The following CYP4F3 variants were observed in gnomAD, a reference collection of about 807,000 sequenced individuals.
CYP4F3 encodes cytochrome P450 family 4 subfamily F member 3.
Under a neutral mutation model 54.8 loss-of-function variants are expected in CYP4F3, and 50 were observed. That is an observed-to-expected ratio of 0.91 (90% CI 0.73 to 1.16). The LOEUF (loss-of-function observed/expected upper bound fraction) is 1.16, where lower values mean the gene tolerates loss of function less well. CYP4F3 is among the 50% of genes most tolerant of loss of function. The pLI is 0.00. For missense variants in CYP4F3, 715 were observed against 676.2 expected (o/e 1.06, Z -0.64); for synonymous variants, 244 against 262.6 (o/e 0.93, Z 0.69).
chr19:15,659,673 A>C lies in CYP4F3; in HGVS notation c.*288A>C, dbSNP rs1973140312. 1 of 455,550 alleles carries C rather than the reference A, an allele frequency of 2.2e-6. No homozygotes were observed. The highest frequency in any genetic ancestry group is 2.0e-5 in the African/African-American group (1 of 49,918). The allele number at this position is 455,550 out of a possible 1,614,324, so 28.2% of individuals were successfully genotyped here. On this transcript the variant is annotated 3_prime_UTR_variant, in exon 13 of 13. Coordinates refer to ENST00000221307, the MANE Select transcript of CYP4F3 (RefSeq NM_000896.3). Reference sequence around the variant, plus strand: ...ACAATGGAGTATTACACAGCCATAAAAAGGAATGAAGCAGTGATCCCCACT... The same window carrying C: ...ACAATGGAGTATTACACAGCCATAACAAGGAATGAAGCAGTGATCCCCACT...
rs949723273 is a variant in CYP4F3 at position 15,662,657 on chromosome 19, C to T, written c.*3272C>T. 1 of 152,142 alleles carries T rather than the reference C, an allele frequency of 6.6e-6. No individual in the cohort carries two copies. The highest frequency in any genetic ancestry group is 1.5e-5 in the Non-Finnish European group (1 of 68,020). The allele number at this position is 152,142 out of a possible 1,614,324, so 9.4% of individuals were successfully genotyped here. ...GAGACTTAATAATGATATTGATTCT[C>T]CCAATTCATGAATATAGTATACCCC... On this transcript the variant is annotated 3_prime_UTR_variant, in exon 13 of 13. Coordinates refer to ENST00000221307, the MANE Select transcript of CYP4F3 (RefSeq NM_000896.3).
intron 2 of CYP4F3, chr19:15,644,019 C>T (rs568998891): frequency 1.9e-6 from 3 of 1,601,582 alleles, no homozygotes; most frequent in South Asian, 2.2e-5. Flanking sequence ...TTTTGCCACC[C>T]CAACATCATC....
chr19:15,643,254 G>A (rs1199387383), intron 2 of CYP4F3, among the ~76,000 whole-genome samples: 2 of 151,992 alleles, frequency 1.3e-5, no homozygotes, highest in Non-Finnish European at 2.9e-5. Flanking sequence ...AGATATATAA[G>A]ATAGAATGGA....
At position 15,647,093 on chromosome 19, in the gene CYP4F3, A is replaced by C; in HGVS notation, c.385A>C (p.Lys129Gln). ...GGACAAGGTCTTCTACAGCTTCCTG[A>C]AGCCCTGGCTGGGTGAGTATCTGTA... is the stretch of plus-strand genomic sequence containing the variant. ...PKDKVFYSFL[K>Q]PWLGDGLLLS... Residue 129 changes from lysine to glutamine, a missense_variant, in exon 4 of 13, where the codon AAG (lysine) becomes CAG (glutamine). Lys to Gln is a moderately conservative substitution (Grantham distance 53). Coordinates refer to ENST00000221307, the MANE Select transcript of CYP4F3 (RefSeq NM_000896.3). 6.2e-7 allele frequency: 1 copy of C among 1,613,848 alleles called. No homozygotes were observed. The highest frequency in any genetic ancestry group is 1.1e-5 in the South Asian group (1 of 91,078).
intron 9 of CYP4F3, 45 bp downstream of exon 9, chr19:15,652,997 G>T: frequency 6.4e-7 from 1 of 1,557,296 alleles, no homozygotes; most frequent in Non-Finnish European, 8.7e-7. Flanking sequence ...TGTCTCATTG[G>T]CTCTGTTCCC....
At chr19:15,658,974 G>A (rs993317424) in intron 12 of CYP4F3, among the ~76,000 whole-genome samples, 165 bp downstream of exon 12, 2 of 152,124 alleles carry the variant, frequency 1.3e-5, no homozygotes, top group African/African-American at 4.8e-5. Context: ...GATTGGGTTG[G>A]TCCTAGAAGG....
At chr19:15,647,508 G>A (rs748382171) in intron 5 of CYP4F3, among the ~76,000 whole-genome samples, 184 bp downstream of exon 5, 2 of 152,162 alleles carry the variant, frequency 1.3e-5, no homozygotes, top group African/African-American at 2.4e-5. Flanking sequence ...GTGGAGTCAT[G>A]TCTCTGGCGC....
chr19:15,659,055 C>T (rs1326162294), intron 12 of CYP4F3, among the ~76,000 whole-genome samples, 165 bp from the exon 13 acceptor site: 2 of 150,202 alleles, frequency 1.3e-5, no homozygotes, highest in Non-Finnish European at 2.9e-5. Flanking sequence ...CTCGGCTAGG[C>T]TCGCAGGATA....
chr19:15,656,540 A>C (rs560921190), intron 9 of CYP4F3, among the ~76,000 whole-genome samples: 1 of 122,296 alleles, frequency 8.2e-6, no homozygotes, highest in East Asian at 2.2e-4. Context: ...TCATCTATCA[A>C]TGTATCTATC....
chr19:15,645,737 G>T lies in CYP4F3; in HGVS notation c.217G>T (p.Gly73Cys). The change falls in exon 3 of 13, where the codon GGT (glycine) becomes TGT (cysteine). Residue 73 changes from glycine to cysteine, a missense_variant. Coordinates refer to ENST00000221307, the MANE Select transcript of CYP4F3 (RefSeq NM_000896.3). Reference sequence around the variant, plus strand: ...TCTCCAGATTCACAGCTCGGAGGAAGGTCTCCTATACACACAAAGCCTGGC... The same window carrying T: ...TCTCCAGATTCACAGCTCGGAGGAATGTCTCCTATACACACAAAGCCTGGC... ...HLGLIHSSEE[G>C]LLYTQSLACT... 6.2e-7 allele frequency: 1 copy of T among 1,610,860 alleles called. No homozygotes were observed. Among genetic ancestry groups the T allele is most frequent in the African/African-American group, 1.3e-5 (1 of 74,998 alleles).
chr19:15,644,176 C>G, intron 2 of CYP4F3: 4 of 1,188,778 alleles, frequency 3.4e-6, no homozygotes, highest in Non-Finnish European at 4.5e-6. Flanking sequence ...TCTCAGCCAT[C>G]TTCATCTTTC....
chr19:15,651,025 G>A (rs756938014), intron 7 of CYP4F3, among the ~76,000 whole-genome samples: 4 of 150,952 alleles, frequency 2.6e-5, no homozygotes, highest in African/African-American at 4.9e-5. Flanking sequence ...ACAGGGGCAC[G>A]CCACCATGCC....
At chr19:15,648,138 T>C (rs1165526792) in intron 5 of CYP4F3, among the ~76,000 whole-genome samples, 2 of 152,132 alleles carry the variant, frequency 1.3e-5, no homozygotes, top group Non-Finnish European at 2.9e-5. Flanking sequence ...TTTAGAATTT[T>C]TTAACTTTAA....
rs1368656913 is a variant in CYP4F3, at chr19:15,660,122, CATT to C, written c.*741_*743del. ...CATGATATTAAATCATCTTAGGAAA[CATT>C]ATTTTGTGTTCTTCAAAATGTGCAT... On this transcript the variant is annotated 3_prime_UTR_variant, in exon 13 of 13. Coordinates refer to ENST00000221307, the MANE Select transcript of CYP4F3 (RefSeq NM_000896.3). The C allele has an allele frequency of 1.3e-5, 2 of 152,124 alleles. No individual in the cohort carries two copies. The highest frequency in any genetic ancestry group is 2.4e-5 in the African/African-American group (1 of 41,430). The allele number at this position is 152,124 out of a possible 1,614,324, so 9.4% of individuals were successfully genotyped here. A position where few individuals can be genotyped will look rare whatever the true frequency, so the allele number is the denominator to read the frequency against.
At position 15,659,254 on chromosome 19, in the gene CYP4F3, A is replaced by G. The variant is rs746930927; in HGVS notation, c.1432A>G (p.Met478Val). The G allele has an allele frequency of 7.4e-6, 12 of 1,612,362 alleles. No homozygotes were observed. The highest frequency in any genetic ancestry group is 6.7e-5 in the East Asian group (3 of 44,818). The change falls in exon 13 of 13, where the codon ATG becomes GTG. Residue 478 changes from methionine (M) to valine (V), a missense_variant. Physicochemically the swap from Met to Val is conservative, Grantham distance 21. Coordinates refer to ENST00000221307, the MANE Select transcript of CYP4F3 (RefSeq NM_000896.3). ...CIGQAFAMAE[M>V]KVVLGLTLLR... ...CGGGCAGGCGTTCGCGATGGCGGAG[A>G]TGAAGGTGGTCCTGGGGCTCACGCT...
At position 15,651,583 on chromosome 19, in the gene CYP4F3, G is replaced by A. The variant is rs369660394; in HGVS notation, c.919-986G>A. 7.2e-5 allele frequency among the ~76,000 whole-genome samples: 7 copies of A among 96,892 alleles called. 1 individual carries two copies. Among genetic ancestry groups the A allele is most frequent in the African/African-American group, 2.3e-4 (7 of 30,182 alleles). The allele number at this position is 96,892 out of a possible 152,430, so 63.6% of individuals were successfully genotyped here. On this transcript the variant is annotated intron_variant, in intron 7 of 12. Coordinates refer to ENST00000221307, the MANE Select transcript of CYP4F3 (RefSeq NM_000896.3). ...TTTTTAGTCTCAAACTCCTGAGCTC[G>A]TGATCTGCCTGTCTCAGCCTCCCAA...
Position 15,653,177 on chromosome 19 carries a change from T to C in CYP4F3, c.1115+225T>C, listed in dbSNP as rs1972910550. ...GGGCTTCTGAGAGAATTGTTGATGA[T>C]ATGTGAGGACAGATAACGCCACTTA... On this transcript the variant is annotated intron_variant, in intron 9 of 12. Transcript: ENST00000221307. Among the ~76,000 whole-genome samples the C allele has an allele frequency of 2.0e-5, 3 of 152,250 alleles. 1 individual carries two copies. In the South Asian group the frequency reaches 6.2e-4, roughly 32 times the overall value.
chr19:15,641,065 C>A, intron 1 of CYP4F3, 120 bp downstream of exon 1: 1 of 262,516 alleles, frequency 3.8e-6, no homozygotes, highest in Non-Finnish European at 7.4e-6. Context: ...CCATTGCTGC[C>A]CAAGGCCCAG....
chr19:15,656,508 T>C (rs1174388995), intron 9 of CYP4F3, among the ~76,000 whole-genome samples: 10 of 70,294 alleles, frequency 1.4e-4, no homozygotes, highest in African/African-American at 9.5e-4. Context: ...TATCTATCTA[T>C]CTATCTATCT....
Sources: gnomAD v4.1 joint callset for allele counts (sites outside exome capture counted in the v4.1 genomes callset) on GRCh38, gnomAD v4.1.1 for gene constraint, MANE v1.5 for transcripts, NCBI Gene and HGNC (gene_info 2026-07-23, HGNC 2026-07-21) for gene names.